The following ZMIZ1 variants were observed in gnomAD, a reference collection of about 807,000 sequenced individuals.
ZMIZ1 encodes zinc finger MIZ-type containing 1.
Under a neutral mutation model 113.9 loss-of-function variants are expected in ZMIZ1, and 17 were observed. The ratio of observed to expected loss-of-function variants is 0.15; its 90% confidence interval spans 0.10 to 0.22. The LOEUF (loss-of-function observed/expected upper bound fraction) is 0.22. Ranked by LOEUF, ZMIZ1 falls within the 10% of genes least tolerant of loss-of-function variation. The pLI is 1.00. For missense variants in ZMIZ1, 1,059 were observed against 1,477.8 expected (o/e 0.72, Z 4.65); for synonymous variants, 607 against 603.1 (o/e 1.01, Z -0.09).
intron 3 of ZMIZ1, among the ~76,000 whole-genome samples, chr10:79,150,199 G>T (rs984058942): frequency 2.6e-5 from 4 of 152,174 alleles, no homozygotes; most frequent in African/African-American, 7.2e-5. Flanking sequence ...ACTAGGCCTC[G>T]GCGAGTGGCC....
chr10:79,158,383 G>A (rs1845983176), intron 3 of ZMIZ1, among the ~76,000 whole-genome samples: 2 of 152,172 alleles, frequency 1.3e-5, no homozygotes, highest in Admixed American at 1.3e-4. Flanking sequence ...GAGGGCGGTC[G>A]GCCCCTGCTT....
intron 1 of ZMIZ1, among the ~76,000 whole-genome samples, chr10:79,114,584 G>T (rs1843936794): frequency 6.6e-6 from 1 of 151,216 alleles, no homozygotes; most frequent in Non-Finnish European, 1.5e-5. Context: ...GCGGGTAAAA[G>T]CCAGCTCCTC....
At chr10:79,077,724 C>T (rs1014976361) in intron 1 of ZMIZ1, among the ~76,000 whole-genome samples, 98 of 152,340 alleles carry the variant, frequency 6.4e-4, no homozygotes, top group African/African-American at 2.2e-3. Flanking sequence ...TTTAACTTCT[C>T]CGACTTTGGT....
chr10:79,255,019 C>T (rs1449526034), intron 7 of ZMIZ1, among the ~76,000 whole-genome samples: 1 of 152,216 alleles, frequency 6.6e-6, no homozygotes, highest in Non-Finnish European at 1.5e-5. Flanking sequence ...GCCTCCAGCC[C>T]GGGCTGGCTG....
intron 8 of ZMIZ1, among the ~76,000 whole-genome samples, chr10:79,284,282 GC>G (rs1056319328): frequency 8.5e-5 from 13 of 152,228 alleles, no homozygotes; most frequent in African/African-American, 2.4e-4. Context: ...TGAAAAAAGT[GC>G]TGAGGGAACA....
intron 4 of ZMIZ1, among the ~76,000 whole-genome samples, chr10:79,183,772 G>A (rs1323862731): frequency 6.6e-6 from 1 of 152,158 alleles, no homozygotes; most frequent in African/African-American, 2.4e-5. Flanking sequence ...TATTTGCAGA[G>A]TGCTTCAAGC....
At chr10:79,307,320 G>T in intron 22 of ZMIZ1, 85 bp from the exon 23 acceptor site, 1 of 1,390,866 alleles carries the variant, frequency 7.2e-7, no homozygotes, top group South Asian at 1.2e-5. Context: ...GACTTGGCTT[G>T]TATTTTTACA....
At chr10:79,148,258 G>A (rs1845573413) in intron 3 of ZMIZ1, among the ~76,000 whole-genome samples, 1 of 152,216 alleles carries the variant, frequency 6.6e-6, no homozygotes, top group Admixed American at 6.5e-5. Context: ...AACATTCCAG[G>A]GTGGGCCCAG....
chr10:79,191,889 A>G (rs1463089959), intron 4 of ZMIZ1, among the ~76,000 whole-genome samples: 2 of 152,212 alleles, frequency 1.3e-5, no homozygotes, highest in Admixed American at 1.3e-4. Flanking sequence ...ACCAGCATAT[A>G]GAGTTTTGAG....
chr10:79,161,725 G>A (rs1310859363), intron 3 of ZMIZ1, among the ~76,000 whole-genome samples: 2 of 152,248 alleles, frequency 1.3e-5, no homozygotes, highest in Admixed American at 6.5e-5. Flanking sequence ...CTTGCTGAAT[G>A]TTTGTTGAAT....
chr10:79,221,335 A>C lies in ZMIZ1; in HGVS notation c.280+5061A>C, dbSNP rs367562813. ...GGAGGCGAGCACAGGCAGTCACTGC[A>C]GCAGCCGCCAGGCAGGCGGCTCCAC... is the stretch of plus-strand genomic sequence containing the variant. On this transcript the variant is annotated intron_variant, in intron 7 of 24. Coordinates refer to ENST00000334512, the MANE Select transcript of ZMIZ1 (RefSeq NM_020338.4). Among the ~76,000 whole-genome samples the C allele has an allele frequency of 1.2e-4, 18 of 152,320 alleles. No individual in the cohort carries two copies. The East Asian group carries it at 2.3e-3, about 20-fold the overall frequency.
intron 8 of ZMIZ1, among the ~76,000 whole-genome samples, chr10:79,285,020 C>G (rs746293511): frequency 6.6e-6 from 1 of 152,194 alleles, no homozygotes; most frequent in Non-Finnish European, 1.5e-5. Flanking sequence ...AGATGCAGCC[C>G]TTCTTGGAAT....
rs1016727070 is a variant in ZMIZ1, at chr10:79,137,790, C to T, written c.-226-1892C>T. Among the ~76,000 whole-genome samples, 5 of 151,670 alleles carry T rather than the reference C, an allele frequency of 3.3e-5. No homozygotes were observed. The South Asian group carries it at 6.2e-4, about 19-fold the overall frequency. ...AGCCCAGAGGTCGTGAGGGCTGGAC[C>T]CTGGGGGAGGACCTCTGAGAGGACG... is the stretch of plus-strand genomic sequence containing the variant. On this transcript the variant is annotated intron_variant, in intron 2 of 24. Transcript: ENST00000334512.
chr10:79,070,151 G>C (rs55883128), intron 1 of ZMIZ1, among the ~76,000 whole-genome samples: 14,730 of 151,258 alleles, frequency 0.097, 961 homozygotes, highest in African/African-American at 0.18. Context: ...GGGGTCGGGG[G>C]GGGGAGGCGG....
intron 1 of ZMIZ1, among the ~76,000 whole-genome samples, chr10:79,078,554 C>T (rs923024206): frequency 6.7e-6 from 1 of 149,050 alleles, no homozygotes; most frequent in South Asian, 2.1e-4. Flanking sequence ...AGACTACAGA[C>T]ACCACCCACC....
intron 2 of ZMIZ1, among the ~76,000 whole-genome samples, chr10:79,120,936 G>T (rs1189731874): frequency 1.3e-5 from 2 of 152,114 alleles, no homozygotes; most frequent in African/African-American, 4.8e-5. Flanking sequence ...GGAGTTGGGG[G>T]CCTGCAGTGC....
intron 1 of ZMIZ1, among the ~76,000 whole-genome samples, chr10:79,112,521 A>C (rs1843787257): frequency 6.6e-6 from 1 of 152,044 alleles, no homozygotes; most frequent in African/African-American, 2.4e-5. Flanking sequence ...CCGCCTGGAA[A>C]CCACTTCTGC....
At chr10:79,089,687 G>T (rs975348189) in intron 1 of ZMIZ1, among the ~76,000 whole-genome samples, 1 of 152,102 alleles carries the variant, frequency 6.6e-6, no homozygotes, top group Non-Finnish European at 1.5e-5. Context: ...CACCACCTCC[G>T]TGAGCATGAG....
In ZMIZ1 at chr10:79,138,323, G is replaced by A. The variant is rs189318965; in HGVS notation, c.-226-1359G>A. On this transcript the variant is annotated intron_variant, in intron 2 of 24. Coordinates refer to ENST00000334512, the MANE Select transcript of ZMIZ1 (RefSeq NM_020338.4). ...CGCCTCCAGATCTACCTAGAAAGGG[G>A]ATTCGCCTTCTGGCCTCTGTGGACC... Among the ~76,000 whole-genome samples, 35 of 152,338 alleles carry A rather than the reference G, an allele frequency of 2.3e-4. 1 individual carries two copies. Among genetic ancestry groups the A allele is most frequent in the Admixed American group, 2.2e-3 (34 of 15,306 alleles).
Sources: gnomAD v4.1 joint callset for allele counts (sites outside exome capture counted in the v4.1 genomes callset) on GRCh38, gnomAD v4.1.1 for gene constraint, MANE v1.5 for transcripts, NCBI Gene and HGNC (gene_info 2026-07-23, HGNC 2026-07-21) for gene names.